Variants in PACS2 observed in about 807,000 individuals in gnomAD.
PACS2 encodes PACS1-like protein.
A neutral mutation model predicts 113.0 loss-of-function variants in PACS2; 36 were observed. The ratio of observed to expected loss-of-function variants is 0.32; its 90% CI spans 0.24 to 0.42. The LOEUF (loss-of-function observed/expected upper bound fraction) is 0.42. PACS2 is among the 10% of genes least tolerant of loss of function. The pLI is 1.00. For synonymous variants in PACS2, 589 were observed against 536.1 expected, an observed-to-expected ratio of 1.10 and a Z score of -1.36; for missense variants, 1,015 against 1,239.5, an observed-to-expected ratio of 0.82 and a Z score of 2.72.
At chr14:105,343,463 G>C (rs587594902) in intron 1 of PACS2, among the ~76,000 whole-genome samples, 2 of 152,164 alleles carry the variant, frequency 1.3e-5, no homozygotes, top group Non-Finnish European at 2.9e-5. Flanking sequence ...GCCATGTGGC[G>C]TTCTGCACGT....
chr14:105,353,253 A>G (rs1249974867), intron 3 of PACS2, among the ~76,000 whole-genome samples: 1 of 21,768 alleles, frequency 4.6e-5, no homozygotes, highest in African/African-American at 2.1e-4. Flanking sequence ...GGAGACGGGC[A>G]CCCCCATCGC....
chr14:105,370,165 G>T, intron 8 of PACS2: 1 of 385,614 alleles, frequency 2.6e-6, no homozygotes, highest in East Asian at 4.4e-5. Flanking sequence ...GTAACCATTA[G>T]TTTGTGTGTT....
At chr14:105,393,804 T>C (rs1051272587) in intron 24 of PACS2, among the ~76,000 whole-genome samples, 10 of 152,054 alleles carry the variant, frequency 6.6e-5, no homozygotes, top group Non-Finnish European at 1.5e-4. Flanking sequence ...TTGGCCAGGC[T>C]GGTCTCAAAC....
In PACS2 at chr14:105,356,164, C is replaced by T. The variant is rs1171355950; in HGVS notation, c.423+987C>T. Among the ~76,000 whole-genome samples, 2 of 152,134 alleles carry T rather than the reference C, an allele frequency of 1.3e-5. No individual in the cohort carries two copies. Among genetic ancestry groups the T allele is most frequent in the Non-Finnish European group, 2.9e-5 (2 of 68,002 alleles). Reference sequence around the variant, plus strand: ...GGTGCCCACTTGTAGCTGGTTCCCCCACACCCCCAGGCCCAGCCTGCAGGC... The same window carrying T: ...GGTGCCCACTTGTAGCTGGTTCCCCTACACCCCCAGGCCCAGCCTGCAGGC... On this transcript the variant is annotated intron_variant, in intron 4 of 24. Transcript: ENST00000447393. The surrounding 1 kb of genome is among the most constrained non-coding windows in gnomAD (Gnocchi z 4.0).
At chr14:105,361,654 CAA>C (rs1364847505) in intron 4 of PACS2, among the ~76,000 whole-genome samples, 1 of 147,952 alleles carries the variant, frequency 6.8e-6, no homozygotes, top group South Asian at 2.2e-4. Context: ...AACAAACAAA[CAA>C]AAAAATTAGT....
intron 4 of PACS2, among the ~76,000 whole-genome samples, chr14:105,361,720 C>T (rs370684632): frequency 5.3e-5 from 8 of 151,616 alleles, no homozygotes; most frequent in Admixed American, 1.3e-4. Context: ...GAGGCCAAGG[C>T]GGGCAGGTCA....
At chr14:105,334,357 G>A (rs1301470535) in intron 1 of PACS2, among the ~76,000 whole-genome samples, 1 of 152,234 alleles carries the variant, frequency 6.6e-6, no homozygotes, top group Non-Finnish European at 1.5e-5. Flanking sequence ...CCACCTTGAG[G>A]CTGACGCAGA....
intron 12 of PACS2, 31 bp downstream of exon 12, chr14:105,381,130 G>T: frequency 5.0e-6 from 8 of 1,592,102 alleles, no homozygotes; most frequent in Non-Finnish European, 6.9e-6. Context: ...GGGCGGGGCG[G>T]TGATGCACCT....
chr14:105,350,891 G>T (rs1381544178), intron 2 of PACS2, among the ~76,000 whole-genome samples: 1 of 152,228 alleles, frequency 6.6e-6, no homozygotes, highest in Non-Finnish European at 1.5e-5. Context: ...GGGGACAGGA[G>T]GGCTGGCCGA....
At chr14:105,326,279 G>T (rs967876662) in intron 1 of PACS2, among the ~76,000 whole-genome samples, 4 of 152,228 alleles carry the variant, frequency 2.6e-5, no homozygotes, top group Non-Finnish European at 5.9e-5. Context: ...GACACGGGTG[G>T]GGCGGGGGCT....
intron 1 of PACS2, among the ~76,000 whole-genome samples, chr14:105,335,668 C>T (rs2059488584): frequency 6.6e-6 from 1 of 152,210 alleles, no homozygotes; most frequent in Non-Finnish European, 1.5e-5. Context: ...GCCTGTTCCT[C>T]TCACTCCACA....
At chr14:105,377,928 G>A (rs969001754) in intron 9 of PACS2, among the ~76,000 whole-genome samples, 3 of 152,238 alleles carry the variant, frequency 2.0e-5, no homozygotes, top group African/African-American at 4.8e-5. Flanking sequence ...CAGGCCCAGC[G>A]TGGTGGTTGG....
At chr14:105,364,374 G>GGCA (rs2060857610) in intron 4 of PACS2, among the ~76,000 whole-genome samples, 1 of 135,732 alleles carries the variant, frequency 7.4e-6, no homozygotes, top group African/African-American at 2.9e-5. Context: ...CACGGTGGGC[G>GGCA]TCCCGGGTGC....
At chr14:105,307,852 G>A (rs2058234436) in intron 1 of PACS2, among the ~76,000 whole-genome samples, 1 of 152,224 alleles carries the variant, frequency 6.6e-6, no homozygotes, top group Non-Finnish European at 1.5e-5. Context: ...CAACTCGAGT[G>A]AGACTTGGTG....
intron 1 of PACS2, among the ~76,000 whole-genome samples, chr14:105,328,224 C>T (rs2059191262): frequency 6.6e-6 from 1 of 152,218 alleles, no homozygotes; most frequent in Non-Finnish European, 1.5e-5. Flanking sequence ...ATGCCACACC[C>T]CCTGCCCCAA....
At chr14:105,392,048 T>C (rs1241548254) in intron 22 of PACS2, 20 of 475,404 alleles carry the variant, frequency 4.2e-5, no homozygotes, top group Non-Finnish European at 2.2e-5. Context: ...GTTGGGGCTT[T>C]TAAAAAACAA....
intron 10 of PACS2, 55 bp from the exon 11 acceptor site, chr14:105,380,025 A>G (rs2080924191): frequency 2.7e-6 from 4 of 1,496,222 alleles, no homozygotes; most frequent in Non-Finnish European, 3.6e-6. Context: ...TCCAGAAGTC[A>G]GCGCCTTGGC....
At chr14:105,319,559 A>G (rs981167784) in intron 1 of PACS2, among the ~76,000 whole-genome samples, 1 of 152,238 alleles carries the variant, frequency 6.6e-6, no homozygotes, top group Non-Finnish European at 1.5e-5. Flanking sequence ...TGATTTTACT[A>G]TTTTTAACCT....
Position 105,324,072 on chromosome 14 carries a change from G to C in PACS2, c.119+9035G>C, listed in dbSNP as rs2059002190. Among the ~76,000 whole-genome samples, 1 of 152,226 alleles carries C rather than the reference G, an allele frequency of 6.6e-6. No homozygotes were observed. Among genetic ancestry groups the C allele is most frequent in the African/African-American group, 2.4e-5 (1 of 41,440 alleles). ...TTGTGCAGGAGATGGAGGGCAGGGG[G>C]CTACAGTGCCCTTGGACTAAAGGAT... On this transcript the variant is annotated intron_variant, in intron 1 of 24. Coordinates refer to ENST00000447393, the MANE Select transcript of PACS2 (RefSeq NM_001100913.3). This position sits in a 1 kb window ranked among gnomAD's most constrained non-coding sequence, Gnocchi z 4.7.
Sources: gnomAD v4.1 joint callset for allele counts (sites outside exome capture counted in the v4.1 genomes callset) on GRCh38, gnomAD v4.1.1 for gene constraint, Gnocchi (gnomAD v3.1) non-coding constraint, MANE v1.5 for transcripts, NCBI Gene and HGNC (gene_info 2026-07-23, HGNC 2026-07-21) for gene names.